EPSTI1: variants seen among roughly 807,000 people sequenced by gnomAD.
The protein encoded by EPSTI1 is epithelial stromal interaction 1.
In EPSTI1, 66 loss-of-function variants were observed where a neutral mutation model predicts 49.9. The ratio of observed to expected loss-of-function variants is 1.32; its 90% CI spans 1.08 to 1.62. The LOEUF (loss-of-function observed/expected upper bound fraction) is 1.62. Among genes scored for constraint, EPSTI1 ranks in the 40% most tolerant of loss-of-function variants. EPSTI1 has a pLI of 0.00. For missense variants in EPSTI1, 394 were observed against 365.5 expected (o/e 1.08, Z -0.64); for synonymous variants, 137 against 130.7 (o/e 1.05, Z -0.33).
At chr13:42,974,457 A>G (rs893237664) in intron 1 of EPSTI1, among the ~76,000 whole-genome samples, 2 of 152,148 alleles carry the variant, frequency 1.3e-5, no homozygotes, top group African/African-American at 2.4e-5. Flanking sequence ...GGAGATTGAG[A>G]CCATCCTGGC....
intron 7 of EPSTI1, among the ~76,000 whole-genome samples, chr13:42,923,504 T>C (rs1234741328): frequency 6.6e-6 from 1 of 152,108 alleles, no homozygotes; most frequent in East Asian, 1.9e-4. Context: ...GAGGTTGCAG[T>C]GAGCCAAGAT....
intron 6 of EPSTI1, among the ~76,000 whole-genome samples, chr13:42,933,671 G>T (rs1237010450): frequency 1.3e-5 from 2 of 152,176 alleles, no homozygotes; most frequent in East Asian, 3.8e-4. Context: ...TTGGCAGTTG[G>T]TCAAAGCTGG....
At chr13:42,919,321 G>C in intron 7 of EPSTI1, 1 of 1,613,668 alleles carries the variant, frequency 6.2e-7, no homozygotes, top group Non-Finnish European at 8.5e-7. Flanking sequence ...CCCTAGGCAG[G>C]ATAGGAAGTT....
intron 1 of EPSTI1, among the ~76,000 whole-genome samples, chr13:42,983,332 A>C (rs2040019163): frequency 6.6e-6 from 1 of 152,126 alleles, no homozygotes; most frequent in African/African-American, 2.4e-5. Context: ...TTGGGAGGCC[A>C]AGGCAGGTGG....
chr13:42,942,514 A>G (rs981510291), intron 6 of EPSTI1, among the ~76,000 whole-genome samples: 1 of 152,160 alleles, frequency 6.6e-6, no homozygotes, highest in East Asian at 1.9e-4. Context: ...TTATTTTTCT[A>G]TCAATCTCTG....
At chr13:42,938,914 C>CAAA (rs57079104) in intron 6 of EPSTI1, among the ~76,000 whole-genome samples, 8 of 59,664 alleles carry the variant, frequency 1.3e-4, no homozygotes, top group Admixed American at 2.9e-4. Flanking sequence ...GACTCTGTCT[C>CAAA]AAAAAAAAAA....
At chr13:42,923,590 C>A (rs1280470568) in intron 7 of EPSTI1, among the ~76,000 whole-genome samples, 1 of 152,068 alleles carries the variant, frequency 6.6e-6, no homozygotes, top group East Asian at 1.9e-4. Flanking sequence ...AAAATGGGGG[C>A]AGCAAACCAG....
chr13:42,947,257 A>G (rs1283548626), intron 6 of EPSTI1, among the ~76,000 whole-genome samples: 1 of 152,076 alleles, frequency 6.6e-6, no homozygotes, highest in Non-Finnish European at 1.5e-5. Context: ...TACTTTTAAC[A>G]CATATCAGGC....
At chr13:42,919,329 G>T (rs765553948) in intron 7 of EPSTI1, 4 of 1,613,320 alleles carry the variant, frequency 2.5e-6, no homozygotes, top group African/African-American at 2.7e-5. Context: ...AGGATAGGAA[G>T]TTTCTGTTCA....
chr13:42,983,163 G>C (rs1478406043), intron 1 of EPSTI1, among the ~76,000 whole-genome samples: 1 of 152,116 alleles, frequency 6.6e-6, no homozygotes, highest in African/African-American at 2.4e-5. Flanking sequence ...CCTAGGGATA[G>C]GTAAGGAAAG....
intron 1 of EPSTI1, among the ~76,000 whole-genome samples, chr13:42,980,804 A>T (rs9315976): frequency 0.041 from 6,191 of 152,306 alleles, 198 homozygotes; most frequent in South Asian, 0.16. Context: ...AAGGGTCAGA[A>T]TTGCAGGGGA....
rs982478500 is a variant in EPSTI1 at position 42,922,628 on chromosome 13, T to G, written c.657+3708A>C. On this transcript the variant is annotated intron_variant, in intron 7 of 10. Coordinates refer to ENST00000313624, the MANE Select transcript of EPSTI1 (RefSeq NM_033255.5). The surrounding 1 kb of genome is among the most constrained non-coding windows in gnomAD (Gnocchi z 4.8). Reference sequence around the variant, plus strand: ...TTGTTCTATTAGGTCACTACATTCGTGGTAATTTGTTACAGCAGCAAAGGG... The same window carrying G: ...TTGTTCTATTAGGTCACTACATTCGGGGTAATTTGTTACAGCAGCAAAGGG... Among the ~76,000 whole-genome samples the G allele has an allele frequency of 2.0e-5, 3 of 152,216 alleles. No individual in the cohort carries two copies. The highest frequency in any genetic ancestry group is 7.2e-5 in the African/African-American group (3 of 41,450).
chr13:42,919,474 C>T, intron 7 of EPSTI1: 1 of 752,932 alleles, frequency 1.3e-6, no homozygotes, highest in Non-Finnish European at 2.2e-6. Context: ...TATATTTTAT[C>T]ATTCAACCAA....
rs1263661988 is a variant in EPSTI1 at position 42,922,864 on chromosome 13, A to T, written c.657+3472T>A. 3.3e-5 allele frequency among the ~76,000 whole-genome samples: 5 copies of T among 152,210 alleles called. No homozygotes were observed. The highest frequency in any genetic ancestry group is 1.2e-4 in the African/African-American group (5 of 41,460). ...TGGCCCCTCAGACATTAACGTGCAC[A>T]CACATCTTCCATGGACTGTATTAAA... On this transcript the variant is annotated intron_variant, in intron 7 of 10. Transcript: ENST00000313624. The surrounding 1 kb of genome is among the most constrained non-coding windows in gnomAD (Gnocchi z 4.8).
At chr13:42,938,609 T>C (rs1332612194) in intron 6 of EPSTI1, among the ~76,000 whole-genome samples, 1 of 152,040 alleles carries the variant, frequency 6.6e-6, no homozygotes, top group African/African-American at 2.4e-5. Context: ...GGCCGTTTCA[T>C]CTACATTAAA....
At chr13:42,962,619 C>CAAAAAAAAAAAAAA (rs67950561) in intron 5 of EPSTI1, among the ~76,000 whole-genome samples, 1 of 132,906 alleles carries the variant, frequency 7.5e-6, no homozygotes, top group Non-Finnish European at 1.6e-5. Flanking sequence ...ACAAAAAATA[C>CAAAAAAAAAAAAAA]AAAAAAAAAA....
chr13:42,968,907 G>GAA (rs61506027), intron 3 of EPSTI1, among the ~76,000 whole-genome samples, 187 bp downstream of exon 3: 18,574 of 114,570 alleles, frequency 0.16, 1,951 homozygotes, highest in South Asian at 0.27. Context: ...CAGAAAATCA[G>GAA]AAAAAAAAAA....
intron 5 of EPSTI1, among the ~76,000 whole-genome samples, chr13:42,955,635 C>G (rs1014595586): frequency 5.3e-5 from 8 of 152,044 alleles, no homozygotes; most frequent in African/African-American, 1.9e-4. Flanking sequence ...AATCTCATCT[C>G]TACTAAAAAT....
intron 3 of EPSTI1, among the ~76,000 whole-genome samples, chr13:42,968,520 T>A (rs567620339): frequency 1.1e-4 from 17 of 152,276 alleles, no homozygotes; most frequent in Non-Finnish European, 2.1e-4. Context: ...CCCTTCTGAA[T>A]GATTCAAACA....
Sources: gnomAD v4.1 joint callset for allele counts (sites outside exome capture counted in the v4.1 genomes callset) on GRCh38, gnomAD v4.1.1 for gene constraint, Gnocchi (gnomAD v3.1) non-coding constraint, MANE v1.5 for transcripts, NCBI Gene and HGNC (gene_info 2026-07-23, HGNC 2026-07-21) for gene names.